RBFOX1: variants seen among roughly 807,000 people sequenced by gnomAD.
The protein encoded by RBFOX1 is RNA binding fox-1 homolog 1, also known as RNA binding protein fox-1 homolog 1.
Under a neutral mutation model 57.7 loss-of-function variants are expected in RBFOX1, and 8 were observed. That is an observed-to-expected ratio of 0.14 (90% CI 0.08 to 0.25). The LOEUF (loss-of-function observed/expected upper bound fraction) is 0.25, where lower values mean the gene tolerates loss of function less well. RBFOX1 is among the 10% of genes least tolerant of loss of function. RBFOX1 has a pLI of 1.00. For synonymous variants in RBFOX1, 326 were observed against 222.4 expected, an observed-to-expected ratio of 1.47 and a Z score of -4.15; for missense variants, 611 against 548.5, an observed-to-expected ratio of 1.11 and a Z score of -1.14.
intron 1 of RBFOX1, among the ~76,000 whole-genome samples, chr16:5,454,938 C>T (rs1441200128): frequency 3.2e-3 from 155 of 48,734 alleles, no homozygotes; most frequent in South Asian, 6.8e-3. Context: ...TTCCTTCCTT[C>T]CTTCCTTCCT....
chr16:6,532,037 A>C (rs537459284), intron 2 of RBFOX1, among the ~76,000 whole-genome samples: 1 of 152,184 alleles, frequency 6.6e-6, no homozygotes, highest in African/African-American at 2.4e-5. Context: ...GAAGAAATGA[A>C]TTCCAACTAA....
intron 4 of RBFOX1, among the ~76,000 whole-genome samples, chr16:7,283,836 G>C (rs1052434907): frequency 6.6e-6 from 1 of 152,180 alleles, no homozygotes; most frequent in African/African-American, 2.4e-5. Flanking sequence ...TTAGCACACA[G>C]TTCTTCAAGT....
intron 2 of RBFOX1, among the ~76,000 whole-genome samples, chr16:6,445,035 C>T (rs189835975): frequency 1.3e-5 from 2 of 151,894 alleles, no homozygotes; most frequent in East Asian, 1.9e-4. Flanking sequence ...GATGATGAGA[C>T]CCTGTTGAGG....
At chr16:7,291,065 G>A (rs2095761359) in intron 4 of RBFOX1, among the ~76,000 whole-genome samples, 1 of 152,206 alleles carries the variant, frequency 6.6e-6, no homozygotes, top group Non-Finnish European at 1.5e-5. Context: ...CAGCCAAAGA[G>A]CATATATTTG....
chr16:6,431,405 C>T (rs531657766), intron 2 of RBFOX1, among the ~76,000 whole-genome samples: 8 of 151,940 alleles, frequency 5.3e-5, no homozygotes, highest in African/African-American at 1.9e-4. Context: ...GGAAAAGGAG[C>T]GTTTTGGTGG....
At chr16:5,741,876 C>T (rs765196043) in intron 3 of RBFOX1, among the ~76,000 whole-genome samples, 4 of 152,054 alleles carry the variant, frequency 2.6e-5, no homozygotes, top group African/African-American at 9.7e-5. Flanking sequence ...TAATACCTGC[C>T]GTATTATGAA....
chr16:7,679,361 G>C (rs2074169223), intron 14 of RBFOX1, among the ~76,000 whole-genome samples: 2 of 152,140 alleles, frequency 1.3e-5, no homozygotes, highest in South Asian at 4.1e-4. Context: ...CATAGAATCA[G>C]TAAGTGATGG....
intron 3 of RBFOX1, among the ~76,000 whole-genome samples, chr16:6,720,786 A>G (rs912854902): frequency 6.6e-6 from 1 of 152,180 alleles, no homozygotes; most frequent in African/African-American, 2.4e-5. Context: ...CAAATAGGTG[A>G]TAAAGTAGGT....
chr16:5,830,082 G>T (rs1203885172), intron 3 of RBFOX1, among the ~76,000 whole-genome samples: 1 of 152,182 alleles, frequency 6.6e-6, no homozygotes, highest in African/African-American at 2.4e-5. Context: ...CTTTTCTTCA[G>T]GCTAGGATTG....
chr16:7,581,299 CT>C (rs2093741457), intron 6 of RBFOX1, among the ~76,000 whole-genome samples: 1 of 152,176 alleles, frequency 6.6e-6, no homozygotes, highest in Admixed American at 6.5e-5. Context: ...TCAAAGATGA[CT>C]TTGAAAAGTG....
intron 2 of RBFOX1, among the ~76,000 whole-genome samples, chr16:6,347,719 TATC>T (rs2085619909): frequency 6.6e-6 from 1 of 152,194 alleles, no homozygotes; most frequent in Non-Finnish European, 1.5e-5. Context: ...ACACAAATAA[TATC>T]ATAAGACACA....
intron 4 of RBFOX1, among the ~76,000 whole-genome samples, chr16:7,451,426 G>C (rs2098854864): frequency 6.6e-6 from 1 of 152,240 alleles, no homozygotes; most frequent in Non-Finnish European, 1.5e-5. Context: ...CAATAGGTAA[G>C]TTAACTTGGG....
intron 4 of RBFOX1, among the ~76,000 whole-genome samples, chr16:7,341,496 T>A (rs915584262): frequency 6.6e-6 from 1 of 151,968 alleles, no homozygotes; most frequent in Non-Finnish European, 1.5e-5. Context: ...CGCAGTAGAG[T>A]CAGAGGTTAA....
chr16:5,548,066 C>G (rs1207863308), intron 2 of RBFOX1, among the ~76,000 whole-genome samples: 1 of 150,484 alleles, frequency 6.6e-6, no homozygotes, highest in Non-Finnish European at 1.5e-5. Context: ...GAAGCTGAGA[C>G]AGGAGAATCC....
chr16:5,920,826 C>T (rs1180571665), intron 4 of RBFOX1, among the ~76,000 whole-genome samples: 1 of 152,124 alleles, frequency 6.6e-6, no homozygotes, highest in Non-Finnish European at 1.5e-5. Flanking sequence ...AAAAATCCTT[C>T]GAAAGGACAA....
chr16:5,988,129 T>G (rs914555122), intron 4 of RBFOX1, among the ~76,000 whole-genome samples: 7 of 152,216 alleles, frequency 4.6e-5, no homozygotes, highest in African/African-American at 1.7e-4. Context: ...CATTCTATCT[T>G]GGGACTTCTC....
intron 2 of RBFOX1, among the ~76,000 whole-genome samples, chr16:6,399,032 C>A (rs1027622627): frequency 1.3e-5 from 2 of 152,212 alleles, no homozygotes; most frequent in Non-Finnish European, 2.9e-5. Flanking sequence ...TCCCAAACCT[C>A]AATGCTTGTC....
chr16:5,787,719 A>T (rs977127909), intron 3 of RBFOX1, among the ~76,000 whole-genome samples: 9 of 152,334 alleles, frequency 5.9e-5, no homozygotes, highest in Non-Finnish European at 5.9e-5. Context: ...GGAGAGGGTG[A>T]CACCACCAGC....
In RBFOX1 at chr16:6,430,564, G is replaced by A. The variant is rs188113297; in HGVS notation, c.-64+113507G>A. Reference sequence around the variant, plus strand: ...GGAATGACACAGGCCAAAGAATGGAGTTAGGAACGATGTGCTGTGCTTGGG... The same window carrying A: ...GGAATGACACAGGCCAAAGAATGGAATTAGGAACGATGTGCTGTGCTTGGG... On this transcript the variant is annotated intron_variant, in intron 2 of 15. Coordinates refer to ENST00000550418, the MANE Select transcript of RBFOX1 (RefSeq NM_018723.4). 1.2e-4 allele frequency among the ~76,000 whole-genome samples: 19 copies of A among 152,272 alleles called. No homozygotes were observed. The East Asian group carries it at 3.5e-3, about 28-fold the overall frequency.
Sources: allele counts gnomAD v4.1 joint callset (sites outside exome capture counted in the v4.1 genomes callset), GRCh38; gene constraint gnomAD v4.1.1; transcripts MANE v1.5; gene names NCBI Gene and HGNC (gene_info 2026-07-23, HGNC 2026-07-21).